ERCC8: variants seen among roughly 807,000 people sequenced by gnomAD.
The protein encoded by ERCC8 is ERCC excision repair 8, CSA ubiquitin ligase complex subunit.
A neutral mutation model predicts 54.9 loss-of-function variants in ERCC8; 52 were observed. The ratio of observed to expected loss-of-function variants is 0.95; its 90% confidence interval spans 0.76 to 1.19. The LOEUF (loss-of-function observed/expected upper bound fraction) is 1.19, where lower values mean the gene tolerates loss of function less well. Among genes scored for constraint, ERCC8 ranks in the 50% most tolerant of loss-of-function variants. ERCC8 has a pLI of 0.00. For missense variants in ERCC8, 514 were observed against 466.1 expected (o/e 1.10, Z -0.95); for synonymous variants, 146 against 157.2 (o/e 0.93, Z 0.53).
At chr5:60,914,723 G>T (rs371833950) in intron 4 of ERCC8, among the ~76,000 whole-genome samples, 1 of 148,500 alleles carries the variant, frequency 6.7e-6, no homozygotes, top group African/African-American at 2.5e-5. Context: ...GGAGTTTGAG[G>T]TTATAGTGAG....
intron 1 of ERCC8, among the ~76,000 whole-genome samples, chr5:60,936,077 TTGGAAC>T (rs1238396052): frequency 6.6e-6 from 1 of 152,220 alleles, no homozygotes; most frequent in Admixed American, 6.5e-5. Context: ...TCTTTATCTT[TTGGAAC>T]AGTGTCAATA....
rs1167418744 is a variant in ERCC8, at chr5:60,872,149, C to T, written c.*2466G>A. ...GTCAAATGCATCCTCACCAAGGGGA[C>T]AAGATTGAAAGTAGAATGGCCTGGG... is the stretch of plus-strand genomic sequence containing the variant. On this transcript the variant is annotated 3_prime_UTR_variant, in exon 12 of 12. Coordinates refer to ENST00000676185, the MANE Select transcript of ERCC8 (RefSeq NM_000082.4). Among the ~76,000 whole-genome samples, 3 of 151,984 alleles carry T rather than the reference C, an allele frequency of 2.0e-5. No individual in the cohort carries two copies. The highest frequency in any genetic ancestry group is 7.3e-5 in the African/African-American group (3 of 41,354).
intron 10 of ERCC8, among the ~76,000 whole-genome samples, chr5:60,888,265 A>G (rs1370019331): frequency 6.6e-6 from 1 of 152,220 alleles, no homozygotes; most frequent in East Asian, 1.9e-4. Flanking sequence ...AAGATTATAT[A>G]GTAATTTATA....
intron 4 of ERCC8, among the ~76,000 whole-genome samples, chr5:60,909,243 GAAAAAAAAAAAAAAAAA>G (rs60064294): frequency 3.0e-4 from 6 of 19,950 alleles, no homozygotes; most frequent in Non-Finnish European, 4.4e-4. Flanking sequence ...GCCCTATTCT[GAAAAAAAAAAAAAAAAA>G]AAAAAAAAAA....
intron 3 of ERCC8, among the ~76,000 whole-genome samples, chr5:60,919,876 G>A (rs1409959136): frequency 6.6e-6 from 1 of 151,910 alleles, no homozygotes; most frequent in Non-Finnish European, 1.5e-5. Flanking sequence ...CAGTAATTAT[G>A]GGAAGAAAGG....
At chr5:60,911,377 G>A (rs1224580711) in intron 4 of ERCC8, among the ~76,000 whole-genome samples, 1 of 151,800 alleles carries the variant, frequency 6.6e-6, no homozygotes. Context: ...TGTGTCTGTT[G>A]GCTGCATAAA....
intron 4 of ERCC8, among the ~76,000 whole-genome samples, chr5:60,905,284 AT>A: frequency 8.3e-6 from 1 of 120,906 alleles, no homozygotes; most frequent in African/African-American, 2.8e-5. Context: ...GAAATCATAC[AT>A]TTCAGTTATC....
intron 7 of ERCC8, among the ~76,000 whole-genome samples, chr5:60,902,092 A>C (rs1331744163): frequency 2.6e-5 from 4 of 152,084 alleles, no homozygotes; most frequent in African/African-American, 7.2e-5. Flanking sequence ...TGAATCAATG[A>C]ATGTGTGGAT....
rs577896600 is a variant in ERCC8 at position 60,881,378 on chromosome 5, C to A, written c.1122+6062G>T. ...TGCGTGCTGGGAGAACCACTATTCT[C>A]TTCAAAGCTGTCAGACAGGGACATT... On this transcript the variant is annotated intron_variant, in intron 11 of 11. Transcript: ENST00000676185. Among the ~76,000 whole-genome samples, 3 of 152,318 alleles carry A rather than the reference C, an allele frequency of 2.0e-5. No homozygotes were observed. In the East Asian group the frequency reaches 5.8e-4, roughly 30 times the overall value.
chr5:60,896,158 T>C (rs1748718610), intron 9 of ERCC8, among the ~76,000 whole-genome samples: 1 of 152,016 alleles, frequency 6.6e-6, no homozygotes, highest in Non-Finnish European at 1.5e-5. Context: ...GCTAATTTTG[T>C]ACTTTTAGTA....
intron 4 of ERCC8, among the ~76,000 whole-genome samples, chr5:60,909,340 T>G (rs886343617): frequency 1.8e-4 from 20 of 110,316 alleles, no homozygotes; most frequent in African/African-American, 7.0e-4. Context: ...CTAAAGCAAA[T>G]AGTGGAAGAA....
At chr5:60,941,972 A>G (rs1750271158) in intron 1 of ERCC8, among the ~76,000 whole-genome samples, 1 of 152,210 alleles carries the variant, frequency 6.6e-6, no homozygotes. Flanking sequence ...CAATATATAT[A>G]TGGTGCAGGG....
rs980273195 is a variant in ERCC8, at chr5:60,914,000, T to G, written c.399+4265A>C. On this transcript the variant is annotated intron_variant, in intron 4 of 11. Transcript: ENST00000676185. The stretch of plus-strand genomic sequence containing the variant: ...TTCTTTTACATTTGCTGAGGAGTGC[T>G]TTACTTCCAACTATGTGGTCAATTC... Among the ~76,000 whole-genome samples the G allele has an allele frequency of 8.5e-5, 13 of 152,282 alleles. No individual in the cohort carries two copies. In the South Asian group the frequency reaches 1.0e-3, roughly 12 times the overall value.
At chr5:60,943,038 AG>A (rs139678760) in intron 1 of ERCC8, among the ~76,000 whole-genome samples, 2,005 of 152,294 alleles carry the variant, frequency 0.013, 48 homozygotes, top group African/African-American at 0.046. Flanking sequence ...TAGGAGGCAA[AG>A]GCAGGAGGAT....
chr5:60,917,561 A>C (rs1242564421), intron 4 of ERCC8: 1 of 152,114 alleles, frequency 6.6e-6, no homozygotes, highest in African/African-American at 2.4e-5. Flanking sequence ...TGTGCAGTAA[A>C]GGCAAGGTAA....
At chr5:60,924,497 G>A (rs891353821) in intron 2 of ERCC8, 1 of 154,528 alleles carries the variant, frequency 6.5e-6, no homozygotes, top group East Asian at 1.9e-4. Flanking sequence ...TCTTGGATAA[G>A]AAGCTTCATT....
At chr5:60,914,512 T>G (rs924913269) in intron 4 of ERCC8, among the ~76,000 whole-genome samples, 5 of 151,928 alleles carry the variant, frequency 3.3e-5, no homozygotes, top group Non-Finnish European at 7.4e-5. Context: ...AAAATGAGGA[T>G]GGGCACAGTG....
At chr5:60,935,653 A>C (rs1750042216) in intron 1 of ERCC8, among the ~76,000 whole-genome samples, 1 of 152,142 alleles carries the variant, frequency 6.6e-6, no homozygotes, top group South Asian at 2.1e-4. Context: ...TTCCCCTTTC[A>C]GTATAATGTT....
intron 1 of ERCC8, among the ~76,000 whole-genome samples, chr5:60,944,327 C>T (rs150200616): frequency 2.2e-4 from 34 of 152,288 alleles, no homozygotes; most frequent in Middle Eastern, 3.4e-3. Context: ...GGCTCCCACT[C>T]TTGTTCTCAG....
Sources: gnomAD v4.1 joint callset for allele counts (sites outside exome capture counted in the v4.1 genomes callset) on GRCh38, gnomAD v4.1.1 for gene constraint, MANE v1.5 for transcripts, NCBI Gene and HGNC (gene_info 2026-07-23, HGNC 2026-07-21) for gene names.